ATP8B1: variants seen among roughly 807,000 people sequenced by gnomAD.
ATP8B1 encodes the protein phospholipid-transporting ATPase IC.
A neutral mutation model predicts 149.9 loss-of-function variants in ATP8B1; 80 were observed. The observed-to-expected ratio is 0.53, with a 90% CI of 0.45 to 0.64. ATP8B1 has a LOEUF of 0.64. Ranked by LOEUF, ATP8B1 falls within the 30% of genes least tolerant of loss-of-function variation. The pLI is 0.00. For missense variants in ATP8B1, 1,247 were observed against 1,552.6 expected, an observed-to-expected ratio of 0.80 and a Z score of 3.31; for synonymous variants, 536 against 562.8, an observed-to-expected ratio of 0.95 and a Z score of 0.67.
intron 1 of ATP8B1, among the ~76,000 whole-genome samples, chr18:57,772,785 T>G (rs867770449): frequency 6.6e-6 from 1 of 151,964 alleles, no homozygotes; most frequent in African/African-American, 2.4e-5. Flanking sequence ...GATGAGGACA[T>G]AGAGCAGGGA....
chr18:57,671,415 C>T, intron 17 of ATP8B1, 53 bp downstream of exon 17: 1 of 1,399,334 alleles, frequency 7.1e-7, no homozygotes, highest in Non-Finnish European at 1.0e-6. Context: ...TAACAGACAG[C>T]ATCAGAGAGT....
chr18:57,732,137 A>ATATATATGTATATATGTG (rs2079776132), intron 1 of ATP8B1: 2 of 78,098 alleles, frequency 2.6e-5, no homozygotes, highest in Admixed American at 1.4e-4. Context: ...GTGTATATGT[A>ATATATATGTATATATGTG]TATATGTGTA....
intron 17 of ATP8B1, 130 bp downstream of exon 17, chr18:57,671,338 C>A (rs1911207206): frequency 1.2e-6 from 1 of 828,112 alleles, no homozygotes; most frequent in Middle Eastern, 2.5e-4. Context: ...CTTTACTGCT[C>A]TTTCCACCCC....
At chr18:57,742,465 A>G (rs2123215937) in intron 1 of ATP8B1, among the ~76,000 whole-genome samples, 1 of 152,186 alleles carries the variant, frequency 6.6e-6, no homozygotes, top group East Asian at 1.9e-4. Flanking sequence ...CATATGATAG[A>G]AAAGGCTTCT....
chr18:57,771,270 G>A (rs1312775917), intron 1 of ATP8B1, among the ~76,000 whole-genome samples: 1 of 152,196 alleles, frequency 6.6e-6, no homozygotes, highest in Non-Finnish European at 1.5e-5. Flanking sequence ...AATCAAAATG[G>A]AGCTGTTTCT....
chr18:57,776,469 TCAGGG>T (rs2123396145), intron 1 of ATP8B1, among the ~76,000 whole-genome samples: 1 of 152,344 alleles, frequency 6.6e-6, no homozygotes, highest in South Asian at 2.1e-4. Context: ...GACGGAGGTC[TCAGGG>T]CCAGGCAGGG....
intron 6 of ATP8B1, among the ~76,000 whole-genome samples, chr18:57,700,314 A>G (rs1045496155): frequency 4.6e-5 from 7 of 152,166 alleles, no homozygotes; most frequent in Non-Finnish European, 7.3e-5. Context: ...CATATATTTA[A>G]AAAGTATTTT....
At chr18:57,740,410 T>C (rs1222582589) in intron 1 of ATP8B1, 1 of 152,250 alleles carries the variant, frequency 6.6e-6, no homozygotes, top group East Asian at 1.9e-4. Flanking sequence ...ATTATATTTC[T>C]ATATGTTCTA....
Position 57,697,666 on chromosome 18 carries a change from C to T in ATP8B1, c.650G>A (p.Ser217Asn). 1 of 1,614,010 alleles carries T rather than the reference C, an allele frequency of 6.2e-7. No individual in the cohort carries two copies. Among genetic ancestry groups the T allele is most frequent in the Non-Finnish European group, 8.5e-7 (1 of 1,180,014 alleles). Residue 217 changes from serine (S) to asparagine (N), a missense_variant, in exon 8 of 28, where the codon AGC becomes AAC. Transcript: ENST00000648908. ...FVPADILLLS[S>N]SEPNSLCYVE... Reference sequence around the variant, plus strand: ...ATAGCAGAGGCTGTTAGGCTCAGAGCTAGACAGCAGGAGAATGTCAGCCTG... The same window carrying T: ...ATAGCAGAGGCTGTTAGGCTCAGAGTTAGACAGCAGGAGAATGTCAGCCTG...
chr18:57,659,819 A>G (rs971655255), intron 22 of ATP8B1: 1 of 152,240 alleles, frequency 6.6e-6, no homozygotes, highest in Non-Finnish European at 1.5e-5. Context: ...GAGGAGACTA[A>G]GAAAAGAAAG....
At chr18:57,740,700 A>T (rs2079905212) in intron 1 of ATP8B1, 1 of 150,596 alleles carries the variant, frequency 6.6e-6, no homozygotes, top group Admixed American at 6.7e-5. Context: ...TCAGCCTCCT[A>T]AGTAGCTGAG....
At chr18:57,749,191 TG>T (rs765199145) in intron 1 of ATP8B1, among the ~76,000 whole-genome samples, 4 of 152,236 alleles carry the variant, frequency 2.6e-5, no homozygotes, top group Non-Finnish European at 5.9e-5. Flanking sequence ...TGTACTTTCA[TG>T]GGTGCAGTAG....
chr18:57,786,408 T>C (rs2080410268), intron 1 of ATP8B1, among the ~76,000 whole-genome samples: 2 of 152,146 alleles, frequency 1.3e-5, no homozygotes. Flanking sequence ...CAGAATCACC[T>C]GGAAGTTTTA....
In ATP8B1 at chr18:57,701,071, G is replaced by A; in HGVS notation, c.522C>T (p.Asn174=). 6.2e-7 allele frequency: 1 copy of A among 1,614,138 alleles called. No individual in the cohort carries two copies. The highest frequency in any genetic ancestry group is 8.5e-7 in the Non-Finnish European group (1 of 1,180,002). ...VARHKMDKEI[N]NRTCEVIKDG... ...CCTTAATGACTTCACACGTCCTATT[G>A]TTGATTTCCTTATCCATTTTATGGC... Residue 174 remains asparagine (N), a synonymous_variant, in exon 6 of 28, where the codon AAC becomes AAT. Coordinates refer to ENST00000648908, the MANE Select transcript of ATP8B1 (RefSeq NM_001374385.1).
At chr18:57,658,841 A>G (rs1599077168) in intron 22 of ATP8B1, among the ~76,000 whole-genome samples, 2 of 152,212 alleles carry the variant, frequency 1.3e-5, no homozygotes, top group East Asian at 1.9e-4. Context: ...AACTTTCTGT[A>G]TATTGTTATT....
chr18:57,766,498 A>T (rs1474657248), intron 1 of ATP8B1, among the ~76,000 whole-genome samples: 3 of 152,242 alleles, frequency 2.0e-5, no homozygotes, highest in Admixed American at 2.0e-4. Context: ...AGCTAGGGAC[A>T]GTGGGAAACC....
chr18:57,662,213 G>A (rs2122651584), intron 21 of ATP8B1, among the ~76,000 whole-genome samples: 1 of 152,194 alleles, frequency 6.6e-6, no homozygotes, highest in East Asian at 1.9e-4. Flanking sequence ...AAATATATAT[G>A]CAACAAAAAT....
intron 1 of ATP8B1, among the ~76,000 whole-genome samples, chr18:57,778,070 A>G (rs1426865660): frequency 1.3e-5 from 2 of 152,206 alleles, no homozygotes; most frequent in Non-Finnish European, 2.9e-5. Context: ...CAACAGAAGC[A>G]TTTACCAGAT....
intron 1 of ATP8B1, among the ~76,000 whole-genome samples, chr18:57,800,718 C>T (rs2080565643): frequency 6.6e-6 from 1 of 152,168 alleles, no homozygotes; most frequent in Admixed American, 6.6e-5. Context: ...CTTTTCCCCT[C>T]AACAGAGCAG....
Sources: gnomAD v4.1 joint callset for allele counts (sites outside exome capture counted in the v4.1 genomes callset) on GRCh38, gnomAD v4.1.1 for gene constraint, MANE v1.5 for transcripts, NCBI Gene and HGNC (gene_info 2026-07-23, HGNC 2026-07-21) for gene names.